Variants in MAML3 observed in about 807,000 individuals in gnomAD.
MAML3 encodes the protein mastermind-like protein 3.
Under a neutral mutation model 101.9 loss-of-function variants are expected in MAML3, and 27 were observed. The ratio of observed to expected loss-of-function variants is 0.27; its 90% confidence interval spans 0.20 to 0.37. The LOEUF is 0.37. Among genes scored for constraint, MAML3 ranks in the 10% least tolerant of loss-of-function variants. The pLI, the probability that MAML3 is intolerant of heterozygous loss-of-function variation, is 1.00. For synonymous variants in MAML3, 501 were observed against 555.9 expected (o/e 0.90, Z 1.39); for missense variants, 1,316 against 1,444.9 (o/e 0.91, Z 1.45).
chr4:139,925,032 C>A (rs965989781), intron 1 of MAML3, among the ~76,000 whole-genome samples: 2 of 151,928 alleles, frequency 1.3e-5, no homozygotes, highest in African/African-American at 4.8e-5. Context: ...GCCTAATCAG[C>A]AAAACATGAT....
At chr4:139,720,466 A>G (rs1391559521) in intron 4 of MAML3, 143 bp from the exon 5 acceptor site, 1 of 796,032 alleles carries the variant, frequency 1.3e-6, no homozygotes, top group African/African-American at 1.7e-5. Context: ...AACAAAAATG[A>G]TTATTTTTCT....
intron 1 of MAML3, among the ~76,000 whole-genome samples, chr4:140,069,927 C>A (rs148246748): frequency 6.6e-6 from 1 of 151,800 alleles, no homozygotes; most frequent in Non-Finnish European, 1.5e-5. Flanking sequence ...ACCAGCCTGA[C>A]CAAAATGGTG....
chr4:139,814,916 T>C (rs1365112975), intron 2 of MAML3, among the ~76,000 whole-genome samples: 1 of 152,216 alleles, frequency 6.6e-6, no homozygotes, highest in Non-Finnish European at 1.5e-5. Context: ...TTATATGCTA[T>C]TTCCATGGCT....
intron 1 of MAML3, among the ~76,000 whole-genome samples, chr4:140,045,960 A>G (rs1727176379): frequency 6.6e-6 from 1 of 152,250 alleles, no homozygotes; most frequent in Non-Finnish European, 1.5e-5. Context: ...AAAGAATAGT[A>G]TATGCAAAGG....
At chr4:139,877,628 A>C (rs779074068) in intron 2 of MAML3, among the ~76,000 whole-genome samples, 2 of 152,222 alleles carry the variant, frequency 1.3e-5, no homozygotes, top group Non-Finnish European at 2.9e-5. Flanking sequence ...AAAAACAAAA[A>C]GCCCAACCAT....
chr4:140,056,586 C>G (rs1160016130), intron 1 of MAML3, among the ~76,000 whole-genome samples: 1 of 151,936 alleles, frequency 6.6e-6, no homozygotes, highest in Admixed American at 6.6e-5. Context: ...ACGGGCGGAT[C>G]ACCTGAGATC....
At chr4:139,909,780 T>G (rs1344405396) in intron 1 of MAML3, among the ~76,000 whole-genome samples, 1 of 132,350 alleles carries the variant, frequency 7.6e-6, no homozygotes, top group Non-Finnish European at 1.5e-5. Flanking sequence ...GAGGTTGTGG[T>G]GAGCCGAGAT....
At chr4:139,856,397 C>A (rs1459744616) in intron 2 of MAML3, among the ~76,000 whole-genome samples, 1 of 152,194 alleles carries the variant, frequency 6.6e-6, no homozygotes, top group Non-Finnish European at 1.5e-5. Flanking sequence ...CAAGGACCTG[C>A]AATGTAGAGA....
intron 2 of MAML3, among the ~76,000 whole-genome samples, chr4:139,734,827 G>A (rs1728868296): frequency 6.6e-6 from 1 of 152,280 alleles, no homozygotes; most frequent in Non-Finnish European, 1.5e-5. Flanking sequence ...CAAAGAGCAG[G>A]GAATCACAAA....
At chr4:140,131,088 T>A (rs1313497338) in intron 1 of MAML3, among the ~76,000 whole-genome samples, 1 of 152,166 alleles carries the variant, frequency 6.6e-6, no homozygotes, top group Non-Finnish European at 1.5e-5. Context: ...TAAACTATTA[T>A]CTGCTGGCCA....
At chr4:139,814,565 C>T (rs1359968709) in intron 2 of MAML3, among the ~76,000 whole-genome samples, 1 of 152,184 alleles carries the variant, frequency 6.6e-6, no homozygotes, top group East Asian at 1.9e-4. Context: ...GCCCAAGCTT[C>T]TCTTGATTTG....
At chr4:140,148,007 C>T (rs1159984844) in intron 1 of MAML3, among the ~76,000 whole-genome samples, 1 of 152,078 alleles carries the variant, frequency 6.6e-6, no homozygotes, top group Non-Finnish European at 1.5e-5. Flanking sequence ...ACTTCTTTAA[C>T]AACAGTTGGC....
chr4:139,817,306 G>T (rs1004724921), intron 2 of MAML3, among the ~76,000 whole-genome samples: 1 of 152,230 alleles, frequency 6.6e-6, no homozygotes, highest in Non-Finnish European at 1.5e-5. Context: ...TGGCTCAGGG[G>T]TCACCATATC....
rs1226673923 is a variant in MAML3, at chr4:140,092,078, ATATATATACGTATATATATATATACG to A, written c.468+60756_468+60781del. ...ATAAAAACTTTATATATATATACGT[ATATATATACGTATATATATATATACG>A]TATATATATATATACGTATATATAT... On this transcript the variant is annotated intron_variant, in intron 1 of 4. Transcript: ENST00000509479. Among the ~76,000 whole-genome samples, 82 of 63,934 alleles carry A rather than the reference ATATATATACGTATATATATATATACG, an allele frequency of 1.3e-3. 1 individual carries two copies. Among genetic ancestry groups the A allele is most frequent in the Middle Eastern group, 0.01 (1 of 98 alleles). The allele number at this position is 63,934 out of a possible 152,430, so 41.9% of individuals were successfully genotyped here. A position where few individuals can be genotyped will look rare whatever the true frequency, so the allele number is the denominator to read the frequency against.
At chr4:140,116,608 T>C (rs1008938119) in intron 1 of MAML3, among the ~76,000 whole-genome samples, 1 of 152,204 alleles carries the variant, frequency 6.6e-6, no homozygotes, top group Non-Finnish European at 1.5e-5. Context: ...ACCCCACTGC[T>C]TCAAAAGTTG....
intron 1 of MAML3, among the ~76,000 whole-genome samples, chr4:140,038,511 T>G (rs753384658): frequency 6.6e-6 from 1 of 152,228 alleles, no homozygotes; most frequent in Non-Finnish European, 1.5e-5. Flanking sequence ...GGGCCAAACA[T>G]GATCACTGTT....
intron 1 of MAML3, among the ~76,000 whole-genome samples, chr4:139,908,112 C>T (rs1362359856): frequency 6.6e-6 from 1 of 152,146 alleles, no homozygotes; most frequent in African/African-American, 2.4e-5. Flanking sequence ...CCATTTTTGC[C>T]CTGGACAAAA....
In MAML3 at chr4:140,056,654, C is replaced by A. The variant is rs533048212; in HGVS notation, c.468+96206G>T. ...AAACCCTGTCTCTACTAAAAAATAC[C>A]AAAAAATTAGCCAGGGGTGGTGGTG... On this transcript the variant is annotated intron_variant, in intron 1 of 4. Coordinates refer to ENST00000509479, the MANE Select transcript of MAML3 (RefSeq NM_018717.5). 7.3e-5 allele frequency among the ~76,000 whole-genome samples: 11 copies of A among 151,534 alleles called. No individual in the cohort carries two copies. In the East Asian group the frequency reaches 1.6e-3, roughly 22 times the overall value.
chr4:139,872,937 C>A (rs139403647), intron 2 of MAML3, among the ~76,000 whole-genome samples: 4 of 151,830 alleles, frequency 2.6e-5, no homozygotes, highest in African/African-American at 9.7e-5. Flanking sequence ...AAAAATTAGC[C>A]GGGCATGGTG....
Sources: allele counts gnomAD v4.1 joint callset (sites outside exome capture counted in the v4.1 genomes callset), GRCh38; gene constraint gnomAD v4.1.1; transcripts MANE v1.5; gene names NCBI Gene and HGNC (gene_info 2026-07-23, HGNC 2026-07-21).